Variants in WDR72 observed in about 807,000 individuals in gnomAD.
WDR72 encodes the protein WD repeat domain 72, also known as WD repeat-containing protein 72.
WDR72 carries 120 observed loss-of-function variants against 124.2 expected under a neutral mutation model. The observed-to-expected ratio is 0.97, with a 90% CI of 0.83 to 1.12. WDR72 has a LOEUF of 1.12. Ranked by LOEUF, WDR72 falls within the 50% of genes most tolerant of loss-of-function variation. The pLI is 0.00. For missense variants in WDR72, 1,387 were observed against 1,278.8 expected, an observed-to-expected ratio of 1.08 and a Z score of -1.29; for synonymous variants, 452 against 441.7, an observed-to-expected ratio of 1.02 and a Z score of -0.29.
At chr15:53,577,432 G>C (rs2011673801) in intron 18 of WDR72, among the ~76,000 whole-genome samples, 1 of 152,062 alleles carries the variant, frequency 6.6e-6, no homozygotes, top group African/African-American at 2.4e-5. Context: ...ACTTCTGAGA[G>C]ATGACTCAAT....
At chr15:53,752,936 A>C (rs1438765650) in intron 1 of WDR72, among the ~76,000 whole-genome samples, 1 of 152,142 alleles carries the variant, frequency 6.6e-6, no homozygotes, top group South Asian at 2.1e-4. Context: ...CTACTAAATG[A>C]AAGATGAAAA....
Position 53,632,074 on chromosome 15 carries a change from TGAG to T in WDR72, c.1963-15834_1963-15832del, listed in dbSNP as rs555966175. Among the ~76,000 whole-genome samples, 21 of 152,176 alleles carry T rather than the reference TGAG, an allele frequency of 1.4e-4. No homozygotes were observed. The South Asian group carries it at 2.5e-3, about 18-fold the overall frequency. On this transcript the variant is annotated intron_variant, in intron 14 of 19. Transcript: ENST00000360509. ...AGGCAAGTACTAATAACCAAGACAATGAGGAGAAGTCTTCTAAGACATTTTAGG... is the reference window on the plus strand; with the variant it reads ...AGGCAAGTACTAATAACCAAGACAATGAGAAGTCTTCTAAGACATTTTAGG...
intron 1 of WDR72, among the ~76,000 whole-genome samples, chr15:53,733,700 A>T (rs1469184436): frequency 6.6e-6 from 1 of 152,216 alleles, no homozygotes; most frequent in Non-Finnish European, 1.5e-5. Flanking sequence ...ATTTTTAATA[A>T]TAATTTTTAT....
Position 53,722,413 on chromosome 15 carries a change from G to C in WDR72, c.260+389C>G, listed in dbSNP as rs369941464. Among the ~76,000 whole-genome samples, 23 of 152,284 alleles carry C rather than the reference G, an allele frequency of 1.5e-4. No homozygotes were observed. The South Asian group carries it at 4.3e-3, about 29-fold the overall frequency. ...TAAATTGTTTTGTAAAACTATGAAA[G>C]CTTGGATGGGTTTGCTTAAGAGCTC... is the stretch of plus-strand genomic sequence containing the variant. On this transcript the variant is annotated intron_variant, in intron 3 of 19. Transcript: ENST00000360509.
chr15:53,580,315 T>C (rs2011848502), intron 18 of WDR72, among the ~76,000 whole-genome samples: 1 of 152,110 alleles, frequency 6.6e-6, no homozygotes, highest in Non-Finnish European at 1.5e-5. Context: ...TTAAGCACTT[T>C]CATATCTTCA....
chr15:53,597,970 G>T (rs557319543), intron 17 of WDR72, among the ~76,000 whole-genome samples: 1 of 152,116 alleles, frequency 6.6e-6, no homozygotes, highest in South Asian at 2.1e-4. Flanking sequence ...CAGACCTTCT[G>T]ATCCCTGATT....
chr15:53,686,994 A>G (rs1311992602), intron 13 of WDR72, among the ~76,000 whole-genome samples: 2 of 151,320 alleles, frequency 1.3e-5, no homozygotes, highest in Admixed American at 6.6e-5. Context: ...GCGGAAATAA[A>G]CATGTTCTTT....
chr15:53,632,598 C>T (rs1053202708), intron 14 of WDR72, among the ~76,000 whole-genome samples: 4 of 152,214 alleles, frequency 2.6e-5, no homozygotes, highest in Admixed American at 6.5e-5. Context: ...TAGCTTGCAT[C>T]CTCAGCCTGG....
Position 53,716,626 on chromosome 15 carries a change from T to C in WDR72, c.320A>G (p.Tyr107Cys), listed in dbSNP as rs200230209. 1 of 1,608,836 alleles carries C rather than the reference T, an allele frequency of 6.2e-7. No homozygotes were observed. Among genetic ancestry groups the C allele is most frequent in the East Asian group, 2.2e-5 (1 of 44,852 alleles). The part of the protein sequence containing the change: ...GQCMEKATLP[Y>C]RHTAICYYHC... ...ACTTACACAGATTGCAGTGTGCCTG[T>C]AAGGAAGTGTAGCCTTCTCCATGCA... is the stretch of plus-strand genomic sequence containing the variant. The change falls in exon 4 of 20, where the codon TAC becomes TGC. Residue 107 changes from tyrosine (Y) to cysteine (C), a missense_variant. Coordinates refer to ENST00000360509, the MANE Select transcript of WDR72 (RefSeq NM_182758.4).
At chr15:53,582,341 A>G (rs1229245976) in intron 18 of WDR72, among the ~76,000 whole-genome samples, 1 of 151,988 alleles carries the variant, frequency 6.6e-6, no homozygotes, top group Non-Finnish European at 1.5e-5. Context: ...CTTTCCCTGC[A>G]TAGACTTCTT....
At chr15:53,657,351 C>T (rs1047715860) in intron 14 of WDR72, among the ~76,000 whole-genome samples, 17 of 148,340 alleles carry the variant, frequency 1.1e-4, no homozygotes, top group African/African-American at 4.2e-4. Context: ...GTTTTGGATG[C>T]ATAATATATG....
intron 14 of WDR72, 29 bp downstream of exon 14, chr15:53,665,543 T>C: frequency 6.2e-7 from 1 of 1,613,000 alleles, no homozygotes; most frequent in Non-Finnish European, 8.5e-7. Flanking sequence ...ATAATGTTCT[T>C]TGTGAACAAC....
intron 19 of WDR72, 134 bp from the exon 20 acceptor site, chr15:53,517,888 AAAAGAAAG>A: frequency 1.2e-6 from 1 of 827,802 alleles, no homozygotes; most frequent in Non-Finnish European, 2.0e-6. Context: ...AATGAGGAAA[AAAAGAAAG>A]AAAGGAAGAA....
intron 18 of WDR72, among the ~76,000 whole-genome samples, chr15:53,535,663 G>T (rs545577128): frequency 1.3e-5 from 2 of 152,220 alleles, no homozygotes; most frequent in East Asian, 3.9e-4. Flanking sequence ...GAGGCATTTG[G>T]TATAGCTAGA....
chr15:53,586,160 G>A (rs972462367), intron 18 of WDR72, among the ~76,000 whole-genome samples: 2 of 151,992 alleles, frequency 1.3e-5, no homozygotes, highest in African/African-American at 4.8e-5. Context: ...ATTCAAAAGA[G>A]GTAGAGTGAT....
At chr15:53,578,215 C>T (rs563372803) in intron 18 of WDR72, among the ~76,000 whole-genome samples, 1 of 152,198 alleles carries the variant, frequency 6.6e-6, no homozygotes, top group Non-Finnish European at 1.5e-5. Context: ...CAGGAGCTCA[C>T]AGTCTCATTG....
intron 3 of WDR72, among the ~76,000 whole-genome samples, chr15:53,719,245 T>A (rs553683899): frequency 6.6e-6 from 1 of 152,168 alleles, no homozygotes; most frequent in Non-Finnish European, 1.5e-5. Flanking sequence ...TTCAAACTCT[T>A]TTCCCTTGTC....
chr15:53,524,018 AAC>A (rs1276030164), intron 18 of WDR72, among the ~76,000 whole-genome samples: 1 of 152,062 alleles, frequency 6.6e-6, no homozygotes, highest in Non-Finnish European at 1.5e-5. Flanking sequence ...CTGTTTGAGA[AAC>A]AGACTGAAGT....
At chr15:53,579,622 C>A (rs1012855190) in intron 18 of WDR72, among the ~76,000 whole-genome samples, 3 of 151,966 alleles carry the variant, frequency 2.0e-5, no homozygotes, top group African/African-American at 2.4e-5. Context: ...ACTATCTCAC[C>A]CCTTAACTAG....
Sources: gnomAD v4.1 joint callset for allele counts (sites outside exome capture counted in the v4.1 genomes callset) on GRCh38, gnomAD v4.1.1 for gene constraint, MANE v1.5 for transcripts, NCBI Gene and HGNC (gene_info 2026-07-23, HGNC 2026-07-21) for gene names.